The following RNF144B variants were observed in gnomAD, a reference collection of about 807,000 sequenced individuals.
The protein encoded by RNF144B is ring finger protein 144B.
Under a neutral mutation model 40.2 loss-of-function variants are expected in RNF144B, and 25 were observed. The ratio of observed to expected loss-of-function variants is 0.62; its 90% CI spans 0.45 to 0.87. RNF144B has a LOEUF of 0.87. Among genes scored for constraint, RNF144B ranks in the 40% least tolerant of loss-of-function variants. The probability of loss-of-function intolerance (pLI) is 0.00; values close to 1 mark genes in which losing one functional copy is unlikely to be tolerated. For missense variants in RNF144B, 365 were observed against 373.7 expected, an observed-to-expected ratio of 0.98 and a Z score of 0.19; for synonymous variants, 145 against 136.3, an observed-to-expected ratio of 1.06 and a Z score of -0.44.
intron 1 of RNF144B, among the ~76,000 whole-genome samples, chr6:18,396,052 C>G (rs1004273873): frequency 6.6e-6 from 1 of 152,150 alleles, no homozygotes; most frequent in Non-Finnish European, 1.5e-5. Flanking sequence ...AAATGCATCT[C>G]TGCTATGTAA....
intron 2 of RNF144B, among the ~76,000 whole-genome samples, chr6:18,402,902 C>A (rs1794820820): frequency 6.6e-6 from 1 of 152,146 alleles, no homozygotes; most frequent in South Asian, 2.1e-4. Context: ...GCAAGAGAAG[C>A]TGCATATACA....
intron 1 of RNF144B, among the ~76,000 whole-genome samples, chr6:18,392,841 G>A (rs1462917170): frequency 6.6e-6 from 1 of 152,082 alleles, no homozygotes; most frequent in Non-Finnish European, 1.5e-5. Flanking sequence ...GACAACTTAT[G>A]TGTAATATCA....
intron 3 of RNF144B, among the ~76,000 whole-genome samples, chr6:18,439,443 T>G (rs3822913): frequency 6.6e-6 from 1 of 152,008 alleles, no homozygotes; most frequent in Admixed American, 6.6e-5. Context: ...AGGTAGAAGG[T>G]GATCAATGAG....
chr6:18,449,085 T>G (rs1457625774), intron 4 of RNF144B, among the ~76,000 whole-genome samples: 1 of 152,212 alleles, frequency 6.6e-6, no homozygotes, highest in Non-Finnish European at 1.5e-5. Flanking sequence ...GAACCACACT[T>G]TCTCCTATGA....
At chr6:18,454,677 G>A (rs576216821) in intron 4 of RNF144B, among the ~76,000 whole-genome samples, 16 of 152,254 alleles carry the variant, frequency 1.1e-4, no homozygotes, top group Admixed American at 6.5e-4. Flanking sequence ...GCTGCACTGC[G>A]CCATAGCTGC....
chr6:18,458,700 G>A lies in RNF144B; in HGVS notation c.537-907G>A, dbSNP rs1293738364. Among the ~76,000 whole-genome samples the A allele has an allele frequency of 6.6e-6, 1 of 152,088 alleles. No individual in the cohort carries two copies. Among genetic ancestry groups the A allele is most frequent in the Non-Finnish European group, 1.5e-5 (1 of 68,004 alleles). On this transcript the variant is annotated intron_variant, in intron 5 of 7. Coordinates refer to ENST00000259939, the MANE Select transcript of RNF144B (RefSeq NM_182757.4). The surrounding 1 kb of genome is among the most constrained non-coding windows in gnomAD (Gnocchi z 4.8). ...GTCTGTTTCCCTATCTGAAAATAAG[G>A]GAATTAAGATACAAGTTGAGCATCC...
rs911373747 is a variant in RNF144B, at chr6:18,406,658, T to C, written c.165+6959T>C. Among the ~76,000 whole-genome samples the C allele has an allele frequency of 4.6e-5, 7 of 152,106 alleles. No homozygotes were observed. Among genetic ancestry groups the C allele is most frequent in the African/African-American group, 1.7e-4 (7 of 41,424 alleles). On this transcript the variant is annotated intron_variant, in intron 2 of 7. Transcript: ENST00000259939. This position sits in a 1 kb window ranked among gnomAD's most constrained non-coding sequence, Gnocchi z 4.2. The stretch of plus-strand genomic sequence containing the variant: ...TCCCAGTCCGAGGGCAGGAGAAAAC[T>C]GATGTCCCAGCTCAGGCAGTCAGGC...
At chr6:18,453,819 A>G (rs1167974953) in intron 4 of RNF144B, among the ~76,000 whole-genome samples, 2 of 152,196 alleles carry the variant, frequency 1.3e-5, no homozygotes, top group Non-Finnish European at 2.9e-5. Flanking sequence ...CACAGGAGGA[A>G]CAGTCCTTGT....
chr6:18,433,926 A>G (rs772408907), intron 3 of RNF144B, among the ~76,000 whole-genome samples: 4 of 152,164 alleles, frequency 2.6e-5, no homozygotes, highest in Non-Finnish European at 4.4e-5. Context: ...CCGCACAGTG[A>G]GTGTTATTTC....
chr6:18,424,077 G>A (rs1156532), intron 2 of RNF144B, among the ~76,000 whole-genome samples: 18,204 of 151,908 alleles, frequency 0.12, 1,303 homozygotes, highest in Admixed American at 0.19. Flanking sequence ...CATTTTCTTT[G>A]TTTCTCTCTT....
rs1759008589 is a variant in RNF144B, at chr6:18,443,361, C to T, written c.331+3617C>T. ...CACTGCAACTTCCGCCTCCTGGGTTCAAGCGATTCTCCTGCCTCAGCCTCC... is the reference window on the plus strand; with the variant it reads ...CACTGCAACTTCCGCCTCCTGGGTTTAAGCGATTCTCCTGCCTCAGCCTCC... On this transcript the variant is annotated intron_variant, in intron 4 of 7. Transcript: ENST00000259939. The surrounding 1 kb of genome is among the most constrained non-coding windows in gnomAD (Gnocchi z 4.7). Among the ~76,000 whole-genome samples the T allele has an allele frequency of 6.6e-6, 1 of 152,116 alleles. No individual in the cohort carries two copies. The highest frequency in any genetic ancestry group is 2.4e-5 in the African/African-American group (1 of 41,422).
Position 18,457,207 on chromosome 6 carries a change from A to G in RNF144B, c.384A>G (p.Thr128=). 1 of 1,614,156 alleles carries G rather than the reference A, an allele frequency of 6.2e-7. No individual in the cohort carries two copies. Among genetic ancestry groups the G allele is most frequent in the Non-Finnish European group, 8.5e-7 (1 of 1,180,026 alleles). Residue 128 remains threonine (T), a synonymous_variant, in exon 5 of 8, where the codon ACA becomes ACG. Coordinates refer to ENST00000259939, the MANE Select transcript of RNF144B (RefSeq NM_182757.4). The surrounding 1 kb of genome is among the most constrained non-coding windows in gnomAD (Gnocchi z 5.1). ...RTWCPVADCQ[T]VCPVASSDPG... ...GGTGTCCTGTTGCAGACTGTCAGAC[A>G]GTGTGCCCTGTTGCCTCGAGTGACC...
rs56877936 is a variant in RNF144B at position 18,395,578 on chromosome 6, C to CT, written c.-36-3909dup. On this transcript the variant is annotated intron_variant, in intron 1 of 7. Coordinates refer to ENST00000259939, the MANE Select transcript of RNF144B (RefSeq NM_182757.4). This position sits in a 1 kb window ranked among gnomAD's most constrained non-coding sequence, Gnocchi z 4.5. ...GTGAAAGGATTTCTTGTTTGATATTCTTTTTTTTTTTTAAATGAAGTGCTC... is the reference window on the plus strand; with the variant it reads ...GTGAAAGGATTTCTTGTTTGATATTCTTTTTTTTTTTTTAAATGAAGTGCTC... 0.41 allele frequency among the ~76,000 whole-genome samples: 61,187 copies of CT among 148,128 alleles called. 12,423 individuals carry two copies. Among genetic ancestry groups the CT allele is most frequent in the South Asian group, 0.51 (2,383 of 4,666 alleles).
At position 18,422,460 on chromosome 6, in the gene RNF144B, G is replaced by T. The variant is rs1379703152; in HGVS notation, c.166-5121G>T. On this transcript the variant is annotated intron_variant, in intron 2 of 7. Coordinates refer to ENST00000259939, the MANE Select transcript of RNF144B (RefSeq NM_182757.4). The surrounding 1 kb of genome is among the most constrained non-coding windows in gnomAD (Gnocchi z 4.7). Reference sequence around the variant, plus strand: ...CCTGGAGTGATAAAAAGCAAAACAGGTACTCAAGACCTGTCTGGGCTTTGG... The same window carrying T: ...CCTGGAGTGATAAAAAGCAAAACAGTTACTCAAGACCTGTCTGGGCTTTGG... Among the ~76,000 whole-genome samples, 22 of 152,144 alleles carry T rather than the reference G, an allele frequency of 1.4e-4. No homozygotes were observed. The highest frequency in any genetic ancestry group is 1.4e-3 in the Admixed American group (22 of 15,258).
intron 3 of RNF144B, among the ~76,000 whole-genome samples, chr6:18,430,717 C>T (rs150260909): frequency 8.2e-4 from 124 of 151,656 alleles, no homozygotes; most frequent in African/African-American, 3.0e-3. Context: ...CTCAAGCAAT[C>T]CTACTGCCTC....
At chr6:18,411,493 ATATAT>A (rs1795043716) in intron 2 of RNF144B, among the ~76,000 whole-genome samples, 1 of 23,070 alleles carries the variant, frequency 4.3e-5, no homozygotes, top group Non-Finnish European at 7.4e-5. Context: ...ATATATATAT[ATATAT>A]TTTTTTTTTT....
rs1005307451 is a variant in RNF144B at position 18,456,477 on chromosome 6, A to G, written c.332-678A>G. 6.6e-6 allele frequency among the ~76,000 whole-genome samples: 1 copy of G among 152,216 alleles called. No individual in the cohort carries two copies. Among genetic ancestry groups the G allele is most frequent in the Non-Finnish European group, 1.5e-5 (1 of 68,046 alleles). The stretch of plus-strand genomic sequence containing the variant: ...ATTAAAAATTTGCTTTTTATGTCCA[A>G]TTCTCTTCCAAGATAGTGCCCAAAT... On this transcript the variant is annotated intron_variant, in intron 4 of 7. Coordinates refer to ENST00000259939, the MANE Select transcript of RNF144B (RefSeq NM_182757.4). This position sits in a 1 kb window ranked among gnomAD's most constrained non-coding sequence, Gnocchi z 4.7.
intron 1 of RNF144B, among the ~76,000 whole-genome samples, chr6:18,388,656 C>T (rs538833229): frequency 3.8e-4 from 58 of 152,256 alleles, no homozygotes; most frequent in Non-Finnish European, 4.9e-4. Context: ...TTTTCATGGA[C>T]AGCAGTGCCT....
At chr6:18,397,638 T>C (rs1188283137) in intron 1 of RNF144B, among the ~76,000 whole-genome samples, 3 of 152,190 alleles carry the variant, frequency 2.0e-5, no homozygotes, top group Non-Finnish European at 4.4e-5. Flanking sequence ...GGTCATGCTG[T>C]GTGGGGAGAC....
Sources: gnomAD v4.1 joint callset for allele counts (sites outside exome capture counted in the v4.1 genomes callset) on GRCh38, gnomAD v4.1.1 for gene constraint, Gnocchi (gnomAD v3.1) non-coding constraint, MANE v1.5 for transcripts, NCBI Gene and HGNC (gene_info 2026-07-23, HGNC 2026-07-21) for gene names.